The following CLOCK variants were observed in gnomAD, a reference collection of about 807,000 sequenced individuals.
The protein encoded by CLOCK is clock circadian regulator.
A neutral mutation model predicts 118.4 loss-of-function variants in CLOCK; 43 were observed. That is an observed-to-expected ratio of 0.36 (90% confidence interval 0.28 to 0.47). The LOEUF (loss-of-function observed/expected upper bound fraction) is 0.47, where lower values mean the gene tolerates loss of function less well. Ranked by LOEUF, CLOCK falls within the 20% of genes least tolerant of loss-of-function variation. CLOCK has a pLI of 1.00. For missense variants in CLOCK, 846 were observed against 999.9 expected, an observed-to-expected ratio of 0.85 and a Z score of 2.08; for synonymous variants, 326 against 339.2, an observed-to-expected ratio of 0.96 and a Z score of 0.43.
At chr4:55,468,787 G>A (rs1725913504) in intron 8 of CLOCK, among the ~76,000 whole-genome samples, 1 of 152,180 alleles carries the variant, frequency 6.6e-6, no homozygotes, top group South Asian at 2.1e-4. Context: ...GGAAGAAGAG[G>A]GGTCAGATAA....
intron 22 of CLOCK, 129 bp from the exon 23 acceptor site, chr4:55,435,723 C>T (rs934641529): frequency 5.4e-6 from 5 of 928,368 alleles, no homozygotes; most frequent in African/African-American, 3.3e-5. Flanking sequence ...ATCACTTTCA[C>T]TCTCTGGTTT....
At position 55,475,956 on chromosome 4, in the gene CLOCK, G is replaced by C. The variant is rs758020200; in HGVS notation, c.348+7C>G. ...ATAAAACTTTCAAAAATTAAATCTGGACATACCTCTAACATTAATTGTGTA... is the reference window on the plus strand; with the variant it reads ...ATAAAACTTTCAAAAATTAAATCTGCACATACCTCTAACATTAATTGTGTA... On this transcript the variant is annotated splice_region_variant and intron_variant, in intron 7 of 22. Transcript: ENST00000513440. 1 of 1,595,100 alleles carries C rather than the reference G, an allele frequency of 6.3e-7. No individual in the cohort carries two copies. Among genetic ancestry groups the C allele is most frequent in the African/African-American group, 1.3e-5 (1 of 74,648 alleles).
rs550825367 is a variant in CLOCK, at chr4:55,486,111, T to G, written c.-44+3263A>C. 3.2e-4 allele frequency among the ~76,000 whole-genome samples: 48 copies of G among 152,280 alleles called. 1 individual carries two copies. The highest frequency in any genetic ancestry group is 1.0e-3 in the African/African-American group (42 of 41,562). ...CATAATTTTGGTTAGGTGGTTATATTTGGAGTTAACATCATTATGACTCCG... is the reference window on the plus strand; with the variant it reads ...CATAATTTTGGTTAGGTGGTTATATGTGGAGTTAACATCATTATGACTCCG... On this transcript the variant is annotated intron_variant, in intron 3 of 22. Coordinates refer to ENST00000513440, the MANE Select transcript of CLOCK (RefSeq NM_004898.4).
At chr4:55,468,189 G>A (rs1725865243) in intron 8 of CLOCK, among the ~76,000 whole-genome samples, 1 of 151,962 alleles carries the variant, frequency 6.6e-6, no homozygotes, top group African/African-American at 2.4e-5. Flanking sequence ...TGAATTCCTG[G>A]CCTCAAGCAA....
At chr4:55,497,379 T>G (rs1050067025) in intron 2 of CLOCK, among the ~76,000 whole-genome samples, 1 of 152,210 alleles carries the variant, frequency 6.6e-6, no homozygotes, top group Admixed American at 6.5e-5. Flanking sequence ...GGTTAACTGA[T>G]TAGCAACCTT....
At chr4:55,535,872 C>A (rs542278164) in intron 1 of CLOCK, among the ~76,000 whole-genome samples, 1 of 151,448 alleles carries the variant, frequency 6.6e-6, no homozygotes, top group African/African-American at 2.4e-5. Flanking sequence ...TTTAGATGAC[C>A]AGTATCTGTC....
intron 9 of CLOCK, among the ~76,000 whole-genome samples, 169 bp from the exon 10 acceptor site, chr4:55,459,430 A>T (rs1237928847): frequency 2.0e-5 from 3 of 152,176 alleles, no homozygotes; most frequent in Admixed American, 6.5e-5. Context: ...TCAGGAGAGG[A>T]TCTCACTTTG....
chr4:55,459,275 G>C lies in CLOCK; in HGVS notation c.560-14C>G, dbSNP rs763435359. 6.8e-7 allele frequency: 1 copy of C among 1,460,668 alleles called. No homozygotes were observed. Among genetic ancestry groups the C allele is most frequent in the South Asian group, 1.1e-5 (1 of 87,606 alleles). 90.5% of individuals were successfully genotyped at this position (1,460,668 alleles called of 1,614,324 possible). ...ACTGATTTTTTGCTGAAATAAAAGA[G>C]ATTTTAAAAATCACATATTTCTGAT... On this transcript the variant is annotated splice_polypyrimidine_tract_variant and intron_variant, in intron 9 of 22. Coordinates refer to ENST00000513440, the MANE Select transcript of CLOCK (RefSeq NM_004898.4).
chr4:55,495,533 C>A (rs1003770985), intron 2 of CLOCK, among the ~76,000 whole-genome samples: 1 of 147,698 alleles, frequency 6.8e-6, no homozygotes, highest in Non-Finnish European at 1.5e-5. Flanking sequence ...AGCTTTGACT[C>A]TCATGCCACC....
chr4:55,499,885 C>T (rs555011267), intron 2 of CLOCK, among the ~76,000 whole-genome samples: 1 of 152,160 alleles, frequency 6.6e-6, no homozygotes, highest in Non-Finnish European at 1.5e-5. Flanking sequence ...GAATCTCCCC[C>T]CAAACTAGGT....
chr4:55,497,338 T>A (rs762187389), intron 2 of CLOCK, among the ~76,000 whole-genome samples: 1 of 152,232 alleles, frequency 6.6e-6, no homozygotes, highest in Non-Finnish European at 1.5e-5. Flanking sequence ...TAAGCCCACA[T>A]AGATAATCTA....
chr4:55,430,075 A>G lies in CLOCK; in HGVS notation c.*5340T>C, dbSNP rs1273926503. 1 of 152,220 alleles carries G rather than the reference A, an allele frequency of 6.6e-6. No homozygotes were observed. Among genetic ancestry groups the G allele is most frequent in the Non-Finnish European group, 1.5e-5 (1 of 68,044 alleles). 9.4% of individuals were successfully genotyped at this position (152,220 alleles called of 1,614,324 possible). A position where few individuals can be genotyped will look rare whatever the true frequency, so the allele number is the denominator to read the frequency against. ...GAACACACAGGTATTTTAAAATATA[A>G]ATAAATACATTTAGCCATTTTTATT... On this transcript the variant is annotated 3_prime_UTR_variant, in exon 23 of 23. Coordinates refer to ENST00000513440, the MANE Select transcript of CLOCK (RefSeq NM_004898.4).
Position 55,545,108 on chromosome 4 carries a change from AC to A in CLOCK, c.-290+1673del, listed in dbSNP as rs1248504083. Among the ~76,000 whole-genome samples the A allele has an allele frequency of 3.3e-5, 5 of 150,016 alleles. No individual in the cohort carries two copies. In the Admixed American group the frequency reaches 3.4e-4, roughly 10 times the overall value. On this transcript the variant is annotated intron_variant, in intron 1 of 22. Transcript: ENST00000513440. ...ACTTTAAGTTCTAGGGTACATGTGCACAACGTGCAGGTTTGTCACATATGTA... is the reference window on the plus strand; with the variant it reads ...ACTTTAAGTTCTAGGGTACATGTGCAAACGTGCAGGTTTGTCACATATGTA...
chr4:55,449,480 G>A lies in CLOCK; in HGVS notation c.1365C>T (p.Ile455=). ...TGGGTGGAGTGCTCGTATCCGTCGGGATCTTGGTTGGTGTTGCTGAAGTCA... is the reference window on the plus strand; with the variant it reads ...TGGGTGGAGTGCTCGTATCCGTCGGAATCTTGGTTGGTGTTGCTGAAGTCA... ...VSDPSSTPTK[I]PTDTSTPPRQ... The change falls in exon 17 of 23, where the codon ATC becomes ATT. Residue 455 remains isoleucine, a synonymous_variant. Transcript: ENST00000513440. 1 of 1,613,980 alleles carries A rather than the reference G, an allele frequency of 6.2e-7. No individual in the cohort carries two copies. The highest frequency in any genetic ancestry group is 1.3e-5 in the African/African-American group (1 of 75,024).
intron 20 of CLOCK, 28 bp from the exon 21 acceptor site, chr4:55,442,662 C>T: frequency 6.4e-7 from 1 of 1,556,362 alleles, no homozygotes; most frequent in Non-Finnish European, 8.9e-7. Context: ...ATTTTATAGA[C>T]AGATTAACTG....
At chr4:55,475,389 G>A (rs1726437089) in intron 7 of CLOCK, among the ~76,000 whole-genome samples, 1 of 152,216 alleles carries the variant, frequency 6.6e-6, no homozygotes. Context: ...TGTGAATACT[G>A]TTGACATGAC....
At chr4:55,484,099 T>A (rs1727125259) in intron 3 of CLOCK, among the ~76,000 whole-genome samples, 1 of 152,250 alleles carries the variant, frequency 6.6e-6, no homozygotes, top group Non-Finnish European at 1.5e-5. Flanking sequence ...TGCACCTTCA[T>A]GAAAGGAAAG....
intron 1 of CLOCK, among the ~76,000 whole-genome samples, chr4:55,515,925 G>A (rs1476206980): frequency 2.0e-5 from 3 of 151,834 alleles, no homozygotes; most frequent in Non-Finnish European, 4.4e-5. Context: ...GTGTAGTGTG[G>A]CAAAAAAAGA....
At chr4:55,464,445 GAT>G (rs1725593030) in intron 8 of CLOCK, among the ~76,000 whole-genome samples, 2 of 152,308 alleles carry the variant, frequency 1.3e-5, no homozygotes, top group South Asian at 4.1e-4. Flanking sequence ...AGATGAATAA[GAT>G]AGTTTCTATA....
Sources: gnomAD v4.1 joint callset for allele counts (sites outside exome capture counted in the v4.1 genomes callset) on GRCh38, gnomAD v4.1.1 for gene constraint, MANE v1.5 for transcripts, NCBI Gene and HGNC (gene_info 2026-07-23, HGNC 2026-07-21) for gene names.